Variants in WWC2 observed in about 807,000 individuals in gnomAD.
The protein encoded by WWC2 is WW and C2 domain containing 2, also known as protein WWC2.
A neutral mutation model predicts 138.5 loss-of-function variants in WWC2; 101 were observed. That is an observed-to-expected ratio of 0.73 (90% CI 0.62 to 0.86). The LOEUF is 0.86. Among genes scored for constraint, WWC2 ranks in the 40% least tolerant of loss-of-function variants. The pLI is 0.00. For missense variants in WWC2, 1,420 were observed against 1,419.4 expected (o/e 1.00, Z -0.01); for synonymous variants, 558 against 538.4 (o/e 1.04, Z -0.50).
chr4:183,170,033 T>G (rs1417536421), intron 1 of WWC2, among the ~76,000 whole-genome samples: 1 of 152,150 alleles, frequency 6.6e-6, no homozygotes, highest in Non-Finnish European at 1.5e-5. Context: ...ATTTGGAAAG[T>G]AGGTTTTCAA....
At chr4:183,222,080 C>G (rs1360788296) in intron 4 of WWC2, among the ~76,000 whole-genome samples, 5 of 152,046 alleles carry the variant, frequency 3.3e-5, no homozygotes, top group Admixed American at 3.3e-4. Flanking sequence ...GTTACTGATA[C>G]AACATGGATG....
intron 15 of WWC2, 136 bp from the exon 16 acceptor site, chr4:183,270,944 T>C (rs1159278421): frequency 7.9e-6 from 6 of 763,724 alleles, no homozygotes; most frequent in Non-Finnish European, 1.1e-5. Context: ...CAATGCTTTA[T>C]GTCAGGAGAA....
intron 5 of WWC2, among the ~76,000 whole-genome samples, chr4:183,243,775 GT>G (rs1736687109): frequency 6.7e-6 from 1 of 149,202 alleles, no homozygotes; most frequent in South Asian, 2.1e-4. Flanking sequence ...GTGTGTGTGT[GT>G]GTGTGTGTGT....
chr4:183,195,952 C>T (rs1037711574), intron 2 of WWC2, among the ~76,000 whole-genome samples: 1 of 152,142 alleles, frequency 6.6e-6, no homozygotes. Flanking sequence ...GTGATTGGAT[C>T]GTGGGAGTGG....
intron 2 of WWC2, among the ~76,000 whole-genome samples, chr4:183,203,823 G>A (rs1248956720): frequency 2.0e-5 from 3 of 151,902 alleles, no homozygotes; most frequent in African/African-American, 7.3e-5. Context: ...TTCCTTTTTT[G>A]TTTTCAAGAG....
intron 1 of WWC2, among the ~76,000 whole-genome samples, chr4:183,148,468 C>G (rs1733537079): frequency 6.6e-6 from 1 of 152,144 alleles, no homozygotes; most frequent in Non-Finnish European, 1.5e-5. Context: ...CTCTGATTTT[C>G]TTGTTAAGCT....
chr4:183,170,186 G>C (rs192829895), intron 1 of WWC2, among the ~76,000 whole-genome samples: 49 of 152,320 alleles, frequency 3.2e-4, no homozygotes, highest in Admixed American at 1.4e-3. Context: ...CCGTTGGCCA[G>C]AGAATGATTT....
In WWC2 at chr4:183,268,971, A is replaced by C. The variant is rs758634072; in HGVS notation, c.2208A>C (p.Val736=). 1 of 1,608,876 alleles carries C rather than the reference A, an allele frequency of 6.2e-7. No homozygotes were observed. Among genetic ancestry groups the C allele is most frequent in the Non-Finnish European group, 8.5e-7 (1 of 1,178,192 alleles). ...TCCATTTTATTCTTGTTCTTTGCAG[A>C]TATTTTAGGGTTGCCGTTCTTCCTT... ...HAFLIPHTSK[V]YFRVAVLPSS... Residue 736 remains valine (V), a splice_region_variant and synonymous_variant, in exon 15 of 23, where the codon GTA becomes GTC. Coordinates refer to ENST00000403733, the MANE Select transcript of WWC2 (RefSeq NM_024949.6).
chr4:183,282,849 A>G lies in WWC2; in HGVS notation c.2826A>G (p.Lys942=), dbSNP rs1738123937. 4 of 1,592,748 alleles carry G rather than the reference A, an allele frequency of 2.5e-6. No homozygotes were observed. The highest frequency in any genetic ancestry group is 2.7e-5 in the African/African-American group (2 of 74,570). ...VPEMNEDGNR[K]ESNCAKDLRS... ...AGATGAATGAAGACGGGAACAGGAA[A>G]GAAAGCAACTGTGCCAAAGACCTCA... Residue 942 remains lysine (K), a synonymous_variant, in exon 18 of 23, where the codon AAA becomes AAG. Coordinates refer to ENST00000403733, the MANE Select transcript of WWC2 (RefSeq NM_024949.6).
chr4:183,201,206 G>C (rs949187937), intron 2 of WWC2, among the ~76,000 whole-genome samples: 1 of 152,166 alleles, frequency 6.6e-6, no homozygotes, highest in East Asian at 1.9e-4. Flanking sequence ...TGTCCTTGAA[G>C]ATTCTTGGCT....
At chr4:183,170,356 A>G (rs1476594013) in intron 1 of WWC2, among the ~76,000 whole-genome samples, 2 of 152,182 alleles carry the variant, frequency 1.3e-5, no homozygotes, top group Non-Finnish European at 2.9e-5. Flanking sequence ...TTGCACAAAC[A>G]TGCTCTTCAG....
chr4:183,303,588 A>G (rs1738930631), intron 21 of WWC2, among the ~76,000 whole-genome samples: 1 of 152,226 alleles, frequency 6.6e-6, no homozygotes, highest in African/African-American at 2.4e-5. Flanking sequence ...AACAAGTAGC[A>G]CATTCACAAT....
At chr4:183,164,320 CATATATAT>C (rs1178445649) in intron 1 of WWC2, among the ~76,000 whole-genome samples, 1 of 520 alleles carries the variant, frequency 1.9e-3, no homozygotes, top group African/African-American at 4.3e-3. Flanking sequence ...ATTATATATA[CATATATAT>C]ATATATATAC....
intron 1 of WWC2, among the ~76,000 whole-genome samples, chr4:183,174,140 T>C (rs1024146328): frequency 6.6e-6 from 1 of 152,186 alleles, no homozygotes; most frequent in African/African-American, 2.4e-5. Flanking sequence ...GTGCACACTC[T>C]GTAATGTTCC....
At chr4:183,277,224 T>C (rs1737889031) in intron 16 of WWC2, among the ~76,000 whole-genome samples, 1 of 149,884 alleles carries the variant, frequency 6.7e-6, no homozygotes, top group African/African-American at 2.5e-5. Flanking sequence ...AGTGAGAATA[T>C]GCGGTGTTTG....
chr4:183,156,328 TTGTTC>T, intron 1 of WWC2, among the ~76,000 whole-genome samples: 1 of 107,320 alleles, frequency 9.3e-6, no homozygotes, highest in South Asian at 3.9e-4. Flanking sequence ...GCCTGGCCCT[TTGTTC>T]TTTTTTTTTT....
chr4:183,117,752 G>C (rs901171458), intron 1 of WWC2, among the ~76,000 whole-genome samples: 1 of 151,036 alleles, frequency 6.6e-6, no homozygotes, highest in Non-Finnish European at 1.5e-5. Flanking sequence ...TTACAGGCGT[G>C]AGCCACCATG....
chr4:183,110,793 G>T (rs751766010), intron 1 of WWC2, among the ~76,000 whole-genome samples: 10 of 152,326 alleles, frequency 6.6e-5, no homozygotes, highest in Non-Finnish European at 1.3e-4. Context: ...GGAAGGCAAA[G>T]AGGCTTTCCT....
At chr4:183,164,604 T>C (rs745862504) in intron 1 of WWC2, among the ~76,000 whole-genome samples, 1 of 151,856 alleles carries the variant, frequency 6.6e-6, no homozygotes, top group Non-Finnish European at 1.5e-5. Flanking sequence ...CCCTGTGATA[T>C]GAATGGCTTT....
Sources: allele counts gnomAD v4.1 joint callset (sites outside exome capture counted in the v4.1 genomes callset), GRCh38; gene constraint gnomAD v4.1.1; transcripts MANE v1.5; gene names NCBI Gene and HGNC (gene_info 2026-07-23, HGNC 2026-07-21).